NUP133: variants seen among roughly 807,000 people sequenced by gnomAD.
NUP133 encodes the protein nucleoporin 133.
Under a neutral mutation model 146.2 loss-of-function variants are expected in NUP133, and 66 were observed. The ratio of observed to expected loss-of-function variants is 0.45; its 90% CI spans 0.37 to 0.55. The LOEUF (loss-of-function observed/expected upper bound fraction) is 0.55, where lower values mean the gene tolerates loss of function less well. Among genes scored for constraint, NUP133 ranks in the 20% least tolerant of loss-of-function variants. The pLI is 0.00. For missense variants in NUP133, 1,277 were observed against 1,374.8 expected (o/e 0.93, Z 1.12); for synonymous variants, 521 against 498.8 (o/e 1.04, Z -0.59).
intron 21 of NUP133, among the ~76,000 whole-genome samples, chr1:229,455,818 C>T (rs1660546669): frequency 6.6e-6 from 1 of 152,156 alleles, no homozygotes; most frequent in Admixed American, 6.5e-5. Context: ...GATTATCAGG[C>T]TTATATAATT....
intron 21 of NUP133, among the ~76,000 whole-genome samples, chr1:229,453,426 A>C (rs74923421): frequency 7.1e-6 from 1 of 140,842 alleles, no homozygotes; most frequent in Non-Finnish European, 1.5e-5. Context: ...GTGGCACTTC[A>C]TATGAGTCTC....
At chr1:229,475,569 A>C in intron 14 of NUP133, 69 bp downstream of exon 14, 39 of 1,110,496 alleles carry the variant, frequency 3.5e-5, no homozygotes, top group Non-Finnish European at 5.3e-5. Context: ...AATAGAGAGA[A>C]GAGACTTCCC....
chr1:229,505,948 GTATAC>G, intron 2 of NUP133, 87 bp downstream of exon 2: 1 of 738,258 alleles, frequency 1.4e-6, no homozygotes, highest in Non-Finnish European at 2.4e-6. Flanking sequence ...TTACGTAAAG[GTATAC>G]TAGAGAAAAC....
chr1:229,488,677 CAA>C (rs377154071), intron 9 of NUP133, among the ~76,000 whole-genome samples: 26 of 132,180 alleles, frequency 2.0e-4, no homozygotes, highest in Middle Eastern at 3.9e-3. Flanking sequence ...GAGTAAGGAT[CAA>C]AAAAAAAAAA....
At chr1:229,482,848 G>C (rs139516144) in intron 12 of NUP133, among the ~76,000 whole-genome samples, 1 of 152,200 alleles carries the variant, frequency 6.6e-6, no homozygotes, top group Admixed American at 6.5e-5. Flanking sequence ...TAAGCCCAGG[G>C]CAGCCTGCTA....
intron 2 of NUP133, among the ~76,000 whole-genome samples, chr1:229,503,867 T>C (rs971128723): frequency 2.0e-5 from 3 of 152,218 alleles, no homozygotes; most frequent in African/African-American, 7.2e-5. Context: ...TCTGAATTTC[T>C]AGATTTGGGG....
chr1:229,505,903 A>C, intron 2 of NUP133, 137 bp downstream of exon 2: 1 of 538,486 alleles, frequency 1.9e-6, no homozygotes, highest in South Asian at 2.3e-5. Context: ...AATAAAAATA[A>C]AAAAACACTA....
intron 2 of NUP133, among the ~76,000 whole-genome samples, chr1:229,505,393 A>G (rs1434626298): frequency 6.6e-6 from 1 of 151,974 alleles, no homozygotes; most frequent in Non-Finnish European, 1.5e-5. Context: ...CAGTATATAT[A>G]AGGTTTAGTA....
intron 21 of NUP133, among the ~76,000 whole-genome samples, chr1:229,453,298 A>G (rs780565763): frequency 9.9e-5 from 15 of 152,178 alleles, no homozygotes; most frequent in Non-Finnish European, 1.6e-4. Flanking sequence ...ACTAATTTAT[A>G]TTGAAATGGG....
chr1:229,483,994 A>G lies in NUP133; in HGVS notation c.1592+60T>C, dbSNP rs571081580. The G allele has an allele frequency of 5.3e-5, 62 of 1,180,732 alleles. No homozygotes were observed. The Admixed American group carries it at 5.4e-4, about 10-fold the overall frequency. 73.1% of individuals were successfully genotyped at this position (1,180,732 alleles called of 1,614,324 possible). On this transcript the variant is annotated intron_variant, in intron 12 of 25. Coordinates refer to ENST00000261396, the MANE Select transcript of NUP133 (RefSeq NM_018230.3). ...GCTCCCACCAGTCAATAAGTAGCAC[A>G]TGTCAGTAAAACATATCCTCACACA...
intron 11 of NUP133, among the ~76,000 whole-genome samples, chr1:229,485,564 A>G (rs540967769): frequency 6.6e-6 from 1 of 152,220 alleles, no homozygotes; most frequent in Non-Finnish European, 1.5e-5. Flanking sequence ...CAATATTTAC[A>G]TTGTCATTAC....
Position 229,464,928 on chromosome 1 carries a change from A to C in NUP133, c.2300-53T>G, listed in dbSNP as rs1409769665. ...TAAAGTAAGGGATCTAGTGATGGCT[A>C]AAGGAAAGACTAATAGCATAAAAAT... On this transcript the variant is annotated intron_variant, in intron 17 of 25. Transcript: ENST00000261396. 8 of 1,597,258 alleles carry C rather than the reference A, an allele frequency of 5.0e-6. No individual in the cohort carries two copies. The East Asian group carries it at 1.8e-4, about 36-fold the overall frequency.
chr1:229,494,698 G>T (rs931376811), intron 8 of NUP133, among the ~76,000 whole-genome samples: 5 of 152,192 alleles, frequency 3.3e-5, no homozygotes. Context: ...AATTTACTCT[G>T]AGTATGAACT....
chr1:229,450,037 C>A (rs1171235722), intron 23 of NUP133, among the ~76,000 whole-genome samples: 1 of 150,180 alleles, frequency 6.7e-6, no homozygotes, highest in East Asian at 1.9e-4. Flanking sequence ...GCCACCATAC[C>A]CATCTAATTT....
chr1:229,492,086 T>C (rs1320084183), intron 8 of NUP133, among the ~76,000 whole-genome samples: 1 of 152,070 alleles, frequency 6.6e-6, no homozygotes, highest in Non-Finnish European at 1.5e-5. Context: ...TTCTAAAACA[T>C]CTAATACTAC....
intron 24 of NUP133, 104 bp from the exon 25 acceptor site, chr1:229,445,106 G>A: frequency 2.5e-6 from 2 of 803,768 alleles, no homozygotes; most frequent in Non-Finnish European, 4.1e-6. Flanking sequence ...GTGGGGGATG[G>A]AGAATCTGAG....
intron 6 of NUP133, among the ~76,000 whole-genome samples, chr1:229,497,931 T>C (rs1038786463): frequency 6.6e-6 from 1 of 152,234 alleles, no homozygotes; most frequent in Admixed American, 6.5e-5. Flanking sequence ...ATCTGTCTGA[T>C]TTAAAGATTT....
At chr1:229,476,943 A>AAAAC (rs1553258551) in intron 13 of NUP133, among the ~76,000 whole-genome samples, 2 of 150,134 alleles carry the variant, frequency 1.3e-5, no homozygotes, top group African/African-American at 4.9e-5. Flanking sequence ...AAAAAAAACA[A>AAAAC]AAAAAAAAAC....
rs1660639770 is a variant in NUP133 at position 229,459,283 on chromosome 1, G to A, written c.2845-987C>T. 3.3e-5 allele frequency among the ~76,000 whole-genome samples: 5 copies of A among 152,164 alleles called. No individual in the cohort carries two copies. The South Asian group carries it at 8.3e-4, about 25-fold the overall frequency. ...CATGCCCGTAATCCCAGAACGTTGG[G>A]AGGCTGATGTGGGTGGATTGCTTGA... On this transcript the variant is annotated intron_variant, in intron 20 of 25. Coordinates refer to ENST00000261396, the MANE Select transcript of NUP133 (RefSeq NM_018230.3).
Sources: gnomAD v4.1 joint callset for allele counts (sites outside exome capture counted in the v4.1 genomes callset) on GRCh38, gnomAD v4.1.1 for gene constraint, MANE v1.5 for transcripts, NCBI Gene and HGNC (gene_info 2026-07-23, HGNC 2026-07-21) for gene names.